ITGAM: variants seen among roughly 807,000 people sequenced by gnomAD.
ITGAM encodes integrin alpha-M.
Under a neutral mutation model 137.5 loss-of-function variants are expected in ITGAM, and 79 were observed. The ratio of observed to expected loss-of-function variants is 0.57; its 90% confidence interval spans 0.48 to 0.69. The LOEUF is 0.69. ITGAM is among the 30% of genes least tolerant of loss of function. The pLI, the probability that ITGAM is intolerant of heterozygous loss-of-function variation, is 0.00. For missense variants in ITGAM, 1,343 were observed against 1,483.5 expected (o/e 0.91, Z 1.56); for synonymous variants, 583 against 592.3 (o/e 0.98, Z 0.23).
intron 11 of ITGAM, among the ~76,000 whole-genome samples, chr16:31,277,682 C>T (rs1468628959): frequency 2.0e-5 from 3 of 151,734 alleles, no homozygotes; most frequent in African/African-American, 2.4e-5. Context: ...CAGTAGAGAC[C>T]GGGTTTCACC....
At chr16:31,320,414 C>T (rs573747526) in intron 14 of ITGAM, among the ~76,000 whole-genome samples, 1 of 152,248 alleles carries the variant, frequency 6.6e-6, no homozygotes, top group South Asian at 2.1e-4. Flanking sequence ...GACAAAATCA[C>T]TTTTAAAATT....
chr16:31,276,772 G>T (rs1250426979), intron 10 of ITGAM, 28 bp downstream of exon 10: 35 of 1,591,698 alleles, frequency 2.2e-5, no homozygotes, highest in Non-Finnish European at 2.7e-5. Flanking sequence ...AAATTGCGGG[G>T]GTGGGGCAGG....
In ITGAM at chr16:31,267,220, T is replaced by C. The variant is rs547622315; in HGVS notation, c.427+1073T>C. On this transcript the variant is annotated intron_variant, in intron 5 of 29. Coordinates refer to ENST00000544665, the MANE Select transcript of ITGAM (RefSeq NM_000632.4). ...GATCTTTCAAGCTGCTTTTTCCCAC[T>C]GCTTTGTTCGATGGCTATGCCATCT... Among the ~76,000 whole-genome samples the C allele has an allele frequency of 4.6e-5, 7 of 152,270 alleles. No individual in the cohort carries two copies. In the South Asian group the frequency reaches 1.4e-3, roughly 32 times the overall value.
chr16:31,324,619 G>T lies in ITGAM; in HGVS notation c.2158-32G>T. ...TGGAGTGGGCTTGGGGAGCTGAGGAGGGCAGATCCCCAAATCCCGGCTATC... is the reference window on the plus strand; with the variant it reads ...TGGAGTGGGCTTGGGGAGCTGAGGATGGCAGATCCCCAAATCCCGGCTATC... On this transcript the variant is annotated intron_variant, in intron 17 of 29. Coordinates refer to ENST00000544665, the MANE Select transcript of ITGAM (RefSeq NM_000632.4). The surrounding 1 kb of genome is among the most constrained non-coding windows in gnomAD (Gnocchi z 4.5). 1 of 1,607,996 alleles carries T rather than the reference G, an allele frequency of 6.2e-7. No individual in the cohort carries two copies. Among genetic ancestry groups the T allele is most frequent in the Non-Finnish European group, 8.5e-7 (1 of 1,176,382 alleles).
intron 14 of ITGAM, among the ~76,000 whole-genome samples, chr16:31,320,257 C>T (rs2080435182): frequency 6.6e-6 from 1 of 152,192 alleles, no homozygotes; most frequent in Non-Finnish European, 1.5e-5. Flanking sequence ...TTCCCCACTA[C>T]ACGTTTTACG....
intron 8 of ITGAM, chr16:31,273,739 C>T (rs1348150827): frequency 1.3e-5 from 6 of 445,024 alleles, no homozygotes; most frequent in Non-Finnish European, 2.4e-5. Flanking sequence ...GTCAGCCTGC[C>T]AAGAGTTCTG....
intron 14 of ITGAM, among the ~76,000 whole-genome samples, chr16:31,301,798 A>G (rs2080199860): frequency 6.6e-6 from 1 of 152,208 alleles, no homozygotes; most frequent in Non-Finnish European, 1.5e-5. Flanking sequence ...ACAAATATGA[A>G]GAGCTTTATT....
At chr16:31,320,415 TTTTAAAATTTC>T (rs1323637341) in intron 14 of ITGAM, among the ~76,000 whole-genome samples, 3 of 152,242 alleles carry the variant, frequency 2.0e-5, no homozygotes, top group Admixed American at 6.5e-5. Context: ...ACAAAATCAC[TTTTAAAATTTC>T]TTTAAAATTT....
chr16:31,269,990 G>A (rs2144275371), intron 5 of ITGAM, among the ~76,000 whole-genome samples: 1 of 152,222 alleles, frequency 6.6e-6, no homozygotes, highest in African/African-American at 2.4e-5. Flanking sequence ...AGCGGCAATG[G>A]GTAGAAAGTG....
At chr16:31,275,406 C>A (rs2079895457) in intron 8 of ITGAM, 143 bp from the exon 9 acceptor site, 5 of 848,858 alleles carry the variant, frequency 5.9e-6, no homozygotes, top group Non-Finnish European at 9.2e-6. Flanking sequence ...CCCAACTATA[C>A]CTGGCAACCC....
intron 12 of ITGAM, among the ~76,000 whole-genome samples, chr16:31,292,351 A>G (rs1184588476): frequency 6.6e-6 from 1 of 151,056 alleles, no homozygotes; most frequent in Non-Finnish European, 1.5e-5. Flanking sequence ...TGTACAGAGT[A>G]TTTTGTCACC....
At chr16:31,330,668 G>C in intron 28 of ITGAM, 63 bp downstream of exon 28, 7 of 1,197,530 alleles carry the variant, frequency 5.8e-6, no homozygotes, top group Non-Finnish European at 5.8e-6. Context: ...GGAGATTTCT[G>C]GGGGAGGAGA....
chr16:31,322,832 T>C (rs2080463987), intron 16 of ITGAM, among the ~76,000 whole-genome samples: 1 of 152,132 alleles, frequency 6.6e-6, no homozygotes, highest in Non-Finnish European at 1.5e-5. Context: ...CTGACTGAAA[T>C]GAAGAATTCA....
At chr16:31,302,400 CT>C (rs200549150) in intron 14 of ITGAM, among the ~76,000 whole-genome samples, 98 of 143,290 alleles carry the variant, frequency 6.8e-4, no homozygotes, top group African/African-American at 8.9e-4. Context: ...TTTTTCTTTT[CT>C]TTTCTTTTTT....
At chr16:31,301,682 T>C (rs775342716) in intron 14 of ITGAM, among the ~76,000 whole-genome samples, 30 of 152,154 alleles carry the variant, frequency 2.0e-4, no homozygotes, top group Non-Finnish European at 2.8e-4. Flanking sequence ...TAGAGATGAT[T>C]ATATACAAAA....
intron 29 of ITGAM, 172 bp downstream of exon 29, chr16:31,331,447 G>A (rs944278618): frequency 1.5e-6 from 1 of 668,096 alleles, no homozygotes; most frequent in Non-Finnish European, 2.6e-6. Context: ...CGCGGGGCGC[G>A]CTGAGAACGA....
intron 3 of ITGAM, 87 bp from the exon 4 acceptor site, chr16:31,265,724 C>A: frequency 8.8e-7 from 1 of 1,141,016 alleles, no homozygotes. Context: ...CTCCTTGTCT[C>A]CCGCATGGAG....
intron 14 of ITGAM, among the ~76,000 whole-genome samples, chr16:31,307,306 A>G (rs945637181): frequency 1.3e-5 from 2 of 152,070 alleles, no homozygotes; most frequent in African/African-American, 4.8e-5. Flanking sequence ...ATTTGTTTGT[A>G]TCCTCTTTTA....
chr16:31,328,474 A>C (rs2080532921), intron 23 of ITGAM, among the ~76,000 whole-genome samples: 4 of 146,464 alleles, frequency 2.7e-5, no homozygotes, highest in Admixed American at 2.7e-4. Flanking sequence ...GCATGTGTGT[A>C]TGTGTGCATG....
Sources: gnomAD v4.1 joint callset for allele counts (sites outside exome capture counted in the v4.1 genomes callset) on GRCh38, gnomAD v4.1.1 for gene constraint, Gnocchi (gnomAD v3.1) non-coding constraint, MANE v1.5 for transcripts, NCBI Gene and HGNC (gene_info 2026-07-23, HGNC 2026-07-21) for gene names.